RANBP2: variants seen among roughly 807,000 people sequenced by gnomAD.
The protein encoded by RANBP2 is E3 SUMO-protein ligase RanBP2.
Under a neutral mutation model 303.6 loss-of-function variants are expected in RANBP2, and 57 were observed. That is an observed-to-expected ratio of 0.19 (90% CI 0.15 to 0.23). The LOEUF is 0.23. Ranked by LOEUF, RANBP2 falls within the 10% of genes least tolerant of loss-of-function variation. The pLI, the probability that RANBP2 is intolerant of heterozygous loss-of-function variation, is 1.00. For missense variants in RANBP2, 3,138 were observed against 3,780.8 expected, an observed-to-expected ratio of 0.83 and a Z score of 4.46; for synonymous variants, 1,167 against 1,301.5, an observed-to-expected ratio of 0.90 and a Z score of 2.23.
At chr2:109,580,746 C>G in the RANBP2 span, among the ~76,000 whole-genome samples, 41 of 152,326 alleles carry the variant, frequency 2.7e-4, no homozygotes, top group African/African-American at 9.9e-4. Flanking sequence ...TTTTAAAACA[C>G]TGGGAAACAG....
chr2:109,377,496 A>T, the RANBP2 span, among the ~76,000 whole-genome samples: 1 of 152,154 alleles, frequency 6.6e-6, no homozygotes, highest in South Asian at 2.1e-4. Context: ...GCCAGACCCA[A>T]GCCTCTGTCT....
At chr2:108,734,289 A>C (rs551645740) in intron 4 of RANBP2, among the ~76,000 whole-genome samples, 1 of 152,198 alleles carries the variant, frequency 6.6e-6, no homozygotes, top group South Asian at 2.1e-4. Context: ...TATAAGTTGA[A>C]AGTGAGGGTC....
chr2:109,469,634 G>C, the RANBP2 span, among the ~76,000 whole-genome samples: 78 of 152,298 alleles, frequency 5.1e-4, no homozygotes, highest in Non-Finnish European at 9.4e-4. Flanking sequence ...GAGTGACTGA[G>C]CACTGGTCTT....
intron 1 of RANBP2, 98 bp from the exon 2 acceptor site, chr2:108,729,034 T>A: frequency 7.3e-7 from 1 of 1,370,802 alleles, no homozygotes; most frequent in African/African-American, 1.5e-5. Flanking sequence ...GAAAGTGGCG[T>A]ATTTGAACAT....
downstream of RANBP2, among the ~76,000 whole-genome samples, chr2:108,788,634 G>A (rs1025687743): frequency 3.3e-5 from 5 of 149,910 alleles, no homozygotes; most frequent in Non-Finnish European, 5.9e-5. Context: ...GCAGGAGAAT[G>A]GGGTGAACCC....
chr2:109,763,570 A>AAG, the RANBP2 span, among the ~76,000 whole-genome samples: 83 of 150,084 alleles, frequency 5.5e-4, 1 homozygote, highest in African/African-American at 2.0e-3. Flanking sequence ...TAAAATAACA[A>AAG]AGAGAGAGAG....
the RANBP2 span, among the ~76,000 whole-genome samples, chr2:109,304,779 C>G: frequency 2.6e-5 from 4 of 152,090 alleles, no homozygotes; most frequent in African/African-American, 2.4e-5. Context: ...GAGCAGGGAC[C>G]CGGCTCAGCC....
At chr2:108,734,913 C>T (rs1035420380) in intron 4 of RANBP2, among the ~76,000 whole-genome samples, 2 of 151,994 alleles carry the variant, frequency 1.3e-5, no homozygotes, top group Non-Finnish European at 2.9e-5. Context: ...AAAAATTAGC[C>T]GGGCACGGTG....
At chr2:109,497,884 A>G in the RANBP2 span, among the ~76,000 whole-genome samples, 3 of 152,264 alleles carry the variant, frequency 2.0e-5, no homozygotes, top group East Asian at 5.8e-4. Flanking sequence ...AGTCTGAGAA[A>G]TCATCTCGCC....
the RANBP2 span, chr2:108,896,122 A>G: frequency 1.3e-5 from 2 of 152,264 alleles, no homozygotes; most frequent in Admixed American, 1.3e-4. Context: ...GTAATGCAGT[A>G]AATGAAATTG....
the RANBP2 span, among the ~76,000 whole-genome samples, chr2:109,148,712 C>T: frequency 6.6e-6 from 1 of 152,282 alleles, no homozygotes; most frequent in East Asian, 1.9e-4. Context: ...AGAAGCAGAG[C>T]GTAATGTGTA....
the RANBP2 span, among the ~76,000 whole-genome samples, chr2:109,286,432 A>G: frequency 6.6e-6 from 1 of 152,216 alleles, no homozygotes; most frequent in Non-Finnish European, 1.5e-5. Context: ...CATGGGGCTC[A>G]GGTCCTGTGG....
At chr2:109,450,746 G>A in the RANBP2 span, among the ~76,000 whole-genome samples, 42 of 152,318 alleles carry the variant, frequency 2.8e-4, 1 homozygote, top group Middle Eastern at 3.4e-3. Context: ...CACTGCCTGA[G>A]GCTGTATCCC....
the RANBP2 span, among the ~76,000 whole-genome samples, chr2:108,863,968 G>T: frequency 1.3e-5 from 2 of 152,128 alleles, no homozygotes; most frequent in Non-Finnish European, 2.9e-5. Context: ...TTTAATGATT[G>T]GTTTGCATCC....
At chr2:109,247,801 T>C in the RANBP2 span, among the ~76,000 whole-genome samples, 7 of 152,236 alleles carry the variant, frequency 4.6e-5, no homozygotes, top group Non-Finnish European at 7.3e-5. Context: ...CTGTTGTGTG[T>C]GTTGGCTGGG....
the RANBP2 span, among the ~76,000 whole-genome samples, chr2:109,077,136 G>A: frequency 6.6e-6 from 1 of 150,470 alleles, no homozygotes; most frequent in African/African-American, 2.4e-5. Flanking sequence ...TACACAATGG[G>A]GAAAGATAGT....
At chr2:109,220,943 C>T in the RANBP2 span, among the ~76,000 whole-genome samples, 4 of 152,110 alleles carry the variant, frequency 2.6e-5, no homozygotes, top group South Asian at 2.1e-4. Flanking sequence ...AATTGTGAAC[C>T]GGGACTGAAA....
At chr2:109,657,500 T>C in the RANBP2 span, among the ~76,000 whole-genome samples, 1 of 152,064 alleles carries the variant, frequency 6.6e-6, no homozygotes, top group Non-Finnish European at 1.5e-5. Flanking sequence ...GAAGCAGAAT[T>C]AGGATGTTCC....
At chr2:109,664,171 T>G in the RANBP2 span, among the ~76,000 whole-genome samples, 1 of 152,228 alleles carries the variant, frequency 6.6e-6, no homozygotes, top group Non-Finnish European at 1.5e-5. Flanking sequence ...AAAGGTCTTT[T>G]TACTTTGCAG....
Sources: gnomAD v4.1 joint callset for allele counts (sites outside exome capture counted in the v4.1 genomes callset) on GRCh38, gnomAD v4.1.1 for gene constraint, MANE v1.5 for transcripts, NCBI Gene and HGNC (gene_info 2026-07-23, HGNC 2026-07-21) for gene names.